MAT1A: variants seen among roughly 807,000 people sequenced by gnomAD.
MAT1A encodes S-adenosylmethionine synthase isoform type-1.
MAT1A carries 19 observed loss-of-function variants against 44.0 expected under a neutral mutation model. That is an observed-to-expected ratio of 0.43 (90% CI 0.30 to 0.63). The LOEUF is 0.63. Ranked by LOEUF, MAT1A falls within the 30% of genes least tolerant of loss-of-function variation. The pLI is 0.12. For missense variants in MAT1A, 397 were observed against 531.0 expected (o/e 0.75, Z 2.48); for synonymous variants, 205 against 205.6 (o/e 1.00, Z 0.03).
intron 5 of MAT1A, among the ~76,000 whole-genome samples, chr10:80,278,235 G>A (rs1159067203): frequency 6.6e-6 from 1 of 152,200 alleles, no homozygotes; most frequent in Non-Finnish European, 1.5e-5. Flanking sequence ...TTCAAAGGAA[G>A]GGAACCCCTA....
At chr10:80,287,795 G>C (rs946198500) in intron 1 of MAT1A, among the ~76,000 whole-genome samples, 6 of 152,176 alleles carry the variant, frequency 3.9e-5, no homozygotes, top group African/African-American at 1.4e-4. Flanking sequence ...AATGAAAGAG[G>C]CTATTTACAT....
intron 7 of MAT1A, 74 bp downstream of exon 7, chr10:80,274,943 A>T: frequency 1.3e-6 from 2 of 1,505,764 alleles, no homozygotes; most frequent in Non-Finnish European, 1.8e-6. Context: ...CCGGGCCAAC[A>T]TCCCCTCACT....
At chr10:80,280,149 T>C in intron 5 of MAT1A, 24 bp downstream of exon 5, 1 of 1,613,900 alleles carries the variant, frequency 6.2e-7, no homozygotes, top group Non-Finnish European at 8.5e-7. Context: ...TCTAGGGCTC[T>C]CCTGGGGTAA....
Position 80,289,371 on chromosome 10 carries a change from A to G in MAT1A, c.53T>C (p.Phe18Ser). Reference sequence around the variant, plus strand: ...TCCCACAGACTCCGATGTGAACATGAAGACTCCTTCACTTAGAGAGTGGTC... The same window carrying G: ...TCCCACAGACTCCGATGTGAACATGGAGACTCCTTCACTTAGAGAGTGGTC... ...LCDHSLSEGV[F>S]MFTSESVGEG... is the part of the protein sequence containing the mutation. Residue 18 changes from phenylalanine (F) to serine (S), a missense_variant, in exon 1 of 9, where the codon TTC (phenylalanine) becomes TCC (serine). By Grantham distance (155) the Phe-to-Ser change is radical. Coordinates refer to ENST00000372213, the MANE Select transcript of MAT1A (RefSeq NM_000429.3). 6.2e-7 allele frequency: 1 copy of G among 1,614,190 alleles called. No individual in the cohort carries two copies. The highest frequency in any genetic ancestry group is 8.5e-7 in the Non-Finnish European group (1 of 1,180,018).
intron 2 of MAT1A, 66 bp downstream of exon 2, chr10:80,285,446 C>T (rs1039097400): frequency 1.8e-4 from 241 of 1,321,106 alleles, no homozygotes; most frequent in Middle Eastern, 9.0e-4. Context: ...TTGTCTTATA[C>T]CCATGATTAA....
At chr10:80,280,147 T>G in intron 5 of MAT1A, 26 bp downstream of exon 5, 2 of 1,613,740 alleles carry the variant, frequency 1.2e-6, no homozygotes, top group Non-Finnish European at 1.7e-6. Flanking sequence ...TGTCTAGGGC[T>G]CTCCTGGGGT....
chr10:80,289,285 T>C (rs775523049), intron 1 of MAT1A, 48 bp downstream of exon 1: 6 of 1,474,244 alleles, frequency 4.1e-6, no homozygotes, highest in South Asian at 1.1e-5. Context: ...TCCCTCAGTA[T>C]AGGCTTGGAA....
intron 5 of MAT1A, among the ~76,000 whole-genome samples, chr10:80,277,156 G>A (rs1045680816): frequency 2.6e-5 from 4 of 152,208 alleles, no homozygotes; most frequent in African/African-American, 4.8e-5. Context: ...CAATACTGCC[G>A]AAAGCAGCAT....
intron 5 of MAT1A, among the ~76,000 whole-genome samples, chr10:80,279,297 G>C (rs1281763026): frequency 1.3e-5 from 2 of 152,104 alleles, no homozygotes; most frequent in East Asian, 3.9e-4. Context: ...CTGGGGACAT[G>C]GGTAGGTGGA....
chr10:80,274,513 A>C lies in MAT1A; in HGVS notation c.1085+7T>G, dbSNP rs755800462. 8.1e-6 allele frequency: 13 copies of C among 1,614,124 alleles called. No individual in the cohort carries two copies. In the South Asian group the frequency reaches 1.3e-4, roughly 16 times the overall value. On this transcript the variant is annotated splice_region_variant and intron_variant, in intron 8 of 8. Transcript: ENST00000372213. ...GTCCTGTGTAATAGCAGCGCATGGC[A>C]CTTTACCTGACAATGACGCCCGGCC...
At chr10:80,285,895 G>A (rs574003967) in intron 1 of MAT1A, among the ~76,000 whole-genome samples, 11 of 150,342 alleles carry the variant, frequency 7.3e-5, no homozygotes, top group African/African-American at 2.2e-4. Context: ...GTGTGATCTC[G>A]GTTCACTGCA....
intron 6 of MAT1A, 53 bp from the exon 7 acceptor site, chr10:80,275,252 G>T: frequency 6.7e-7 from 1 of 1,495,082 alleles, no homozygotes; most frequent in Non-Finnish European, 9.2e-7. Flanking sequence ...CTAGATGCTG[G>T]AGGGGGCTGA....
At chr10:80,276,280 C>T in intron 6 of MAT1A, 96 bp downstream of exon 6, 1 of 1,273,036 alleles carries the variant, frequency 7.9e-7, no homozygotes, top group African/African-American at 1.5e-5. Context: ...TCAGCTGACC[C>T]CCTCCAAGCT....
chr10:80,284,582 G>A (rs1841616211), intron 2 of MAT1A, among the ~76,000 whole-genome samples: 1 of 152,240 alleles, frequency 6.6e-6, no homozygotes, highest in Admixed American at 6.5e-5. Flanking sequence ...GATGCAACCA[G>A]AGAGGGAAGG....
chr10:80,274,411 A>G (rs937607431), intron 8 of MAT1A, 109 bp downstream of exon 8: 46 of 1,495,912 alleles, frequency 3.1e-5, no homozygotes, highest in Non-Finnish European at 4.2e-5. Flanking sequence ...AGACCCTCCC[A>G]CTTCTGAGAG....
intron 1 of MAT1A, among the ~76,000 whole-genome samples, 172 bp downstream of exon 1, chr10:80,289,161 G>GC (rs1470073365): frequency 2.0e-5 from 3 of 152,186 alleles, no homozygotes; most frequent in Non-Finnish European, 4.4e-5. Context: ...CAATGGGTAT[G>GC]CCCATTATCC....
chr10:80,283,045 C>G (rs1841589066), intron 3 of MAT1A, among the ~76,000 whole-genome samples: 2 of 152,238 alleles, frequency 1.3e-5, no homozygotes, highest in South Asian at 4.1e-4. Context: ...TAACAGAGAC[C>G]CAAAATGAAT....
rs781774786 is a variant in MAT1A, at chr10:80,275,093, C to G, written c.875G>C (p.Arg292Pro). 2 of 1,597,604 alleles carry G rather than the reference C, an allele frequency of 1.3e-6. No homozygotes were observed. The highest frequency in any genetic ancestry group is 1.7e-6 in the Non-Finnish European group (2 of 1,172,452). Residue 292 changes from arginine (R) to proline (P), a missense_variant, in exon 7 of 9, where the codon CGC becomes CCC. By Grantham distance (103) the Arg-to-Pro change is moderately radical (BLOSUM62 -2). Coordinates refer to ENST00000372213, the MANE Select transcript of MAT1A (RefSeq NM_000429.3). ...FSGKDYTKVD[R>P]SAAYAARWVA... is the part of the protein sequence containing the mutation. ...CCAGCGGGCAGCATATGCAGCTGAG[C>G]GGTCTACCTTGGTGTAGTCCTTCCC...
chr10:80,284,018 T>C lies in MAT1A; in HGVS notation c.190A>G (p.Met64Val). 6.2e-7 allele frequency: 1 copy of C among 1,614,164 alleles called. No homozygotes were observed. The highest frequency in any genetic ancestry group is 8.5e-7 in the Non-Finnish European group (1 of 1,180,024). The change falls in exon 3 of 9, where the codon ATG becomes GTG. Residue 64 changes from methionine to valine, a missense_variant. Coordinates refer to ENST00000372213, the MANE Select transcript of MAT1A (RefSeq NM_000429.3). ...GTGATCTCACCACACAGCAGCACCA[T>C]GCCGGTCTTGCACACTGTCTCTGAA... ...VACETVCKTG[M>V]VLLCGEITSM...
Sources: gnomAD v4.1 joint callset for allele counts (sites outside exome capture counted in the v4.1 genomes callset) on GRCh38, gnomAD v4.1.1 for gene constraint, MANE v1.5 for transcripts, NCBI Gene and HGNC (gene_info 2026-07-23, HGNC 2026-07-21) for gene names.